The following ADAM32 variants were observed in gnomAD, a reference collection of about 807,000 sequenced individuals.
ADAM32 encodes disintegrin and metalloproteinase domain-containing protein 32.
Under a neutral mutation model 114.9 loss-of-function variants are expected in ADAM32, and 89 were observed. The ratio of observed to expected loss-of-function variants is 0.77; its 90% CI spans 0.65 to 0.92. The LOEUF (loss-of-function observed/expected upper bound fraction) is 0.92. Ranked by LOEUF, ADAM32 falls within the 40% of genes least tolerant of loss-of-function variation. The pLI is 0.00. For synonymous variants in ADAM32, 285 were observed against 307.5 expected (o/e 0.93, Z 0.77); for missense variants, 870 against 932.8 (o/e 0.93, Z 0.88).
chr8:39,147,295 C>T, intron 4 of ADAM32, 90 bp downstream of exon 4: 1 of 525,508 alleles, frequency 1.9e-6, no homozygotes, highest in Middle Eastern at 7.1e-4. Context: ...TCAAGATTCA[C>T]AGGGGATATA....
intron 3 of ADAM32, among the ~76,000 whole-genome samples, chr8:39,145,484 G>A (rs1803452127): frequency 1.3e-5 from 2 of 152,078 alleles, no homozygotes; most frequent in South Asian, 2.1e-4. Context: ...AGGTGGGGGT[G>A]AATGTTAAAA....
intron 7 of ADAM32, among the ~76,000 whole-genome samples, 173 bp from the exon 8 acceptor site, chr8:39,164,591 C>G (rs1313227963): frequency 2.0e-5 from 3 of 152,124 alleles, no homozygotes; most frequent in Non-Finnish European, 2.9e-5. Flanking sequence ...TTTTACATTC[C>G]CATCAGCAAT....
chr8:39,277,064 A>ATG (rs1813120974), intron 22 of ADAM32, among the ~76,000 whole-genome samples: 1 of 146,788 alleles, frequency 6.8e-6, no homozygotes, highest in Admixed American at 6.8e-5. Context: ...CTATATATAT[A>ATG]TGTGTTCACA....
At chr8:39,134,295 G>T (rs1174756160) in intron 2 of ADAM32, among the ~76,000 whole-genome samples, 3 of 152,020 alleles carry the variant, frequency 2.0e-5, no homozygotes, top group African/African-American at 7.2e-5. Context: ...CAGTCTGAAA[G>T]AATTCAGTCA....
At chr8:39,153,241 A>G (rs1803949520) in intron 6 of ADAM32, among the ~76,000 whole-genome samples, 1 of 152,246 alleles carries the variant, frequency 6.6e-6, no homozygotes, top group African/African-American at 2.4e-5. Flanking sequence ...TATAATTTCA[A>G]ATAATGTTTG....
chr8:39,215,139 A>C (rs1330796951), intron 12 of ADAM32, among the ~76,000 whole-genome samples: 1 of 152,084 alleles, frequency 6.6e-6, no homozygotes, highest in South Asian at 2.1e-4. Flanking sequence ...CTTTTTGCTC[A>C]GGATAGCTTT....
At chr8:39,238,431 G>A (rs1283745985) in intron 16 of ADAM32, among the ~76,000 whole-genome samples, 1 of 152,214 alleles carries the variant, frequency 6.6e-6, no homozygotes, top group Non-Finnish European at 1.5e-5. Flanking sequence ...CTGAACAGCA[G>A]CACTTGATTC....
At chr8:39,279,882 A>G (rs1025231726) in intron 22 of ADAM32, among the ~76,000 whole-genome samples, 1 of 152,198 alleles carries the variant, frequency 6.6e-6, no homozygotes, top group Non-Finnish European at 1.5e-5. Flanking sequence ...TTGTAGAGGC[A>G]TGCATTGGGA....
chr8:39,147,602 C>A (rs767460677), intron 4 of ADAM32, among the ~76,000 whole-genome samples: 1 of 151,614 alleles, frequency 6.6e-6, no homozygotes, highest in Non-Finnish European at 1.5e-5. Context: ...TCCTACTGAC[C>A]CTGCCCTTCA....
intron 10 of ADAM32, among the ~76,000 whole-genome samples, chr8:39,176,330 T>C (rs1373577602): frequency 6.6e-6 from 1 of 152,232 alleles, no homozygotes; most frequent in Admixed American, 6.5e-5. Context: ...TTTAATCCTA[T>C]GAATTTCTCT....
intron 10 of ADAM32, among the ~76,000 whole-genome samples, chr8:39,177,447 T>G (rs1159389136): frequency 6.6e-6 from 1 of 152,200 alleles, no homozygotes; most frequent in Non-Finnish European, 1.5e-5. Context: ...GACTCTTTAT[T>G]CATCTTGTCA....
intron 21 of ADAM32, 61 bp downstream of exon 21, chr8:39,274,411 T>C: frequency 2.0e-6 from 3 of 1,531,098 alleles, no homozygotes; most frequent in South Asian, 2.3e-5. Flanking sequence ...TATTGATAAT[T>C]CACAATTTAT....
Position 39,234,013 on chromosome 8 carries a change from C to T in ADAM32, c.1749C>T (p.Asp583=), listed in dbSNP as rs1422995200. ...GAGATTCTGTATGCATAACTGTAGA[C>T]TACAAATTGCCTCGAACAGTTCCAG... is the stretch of plus-strand genomic sequence containing the variant. ...FVRDSVCITV[D]YKLPRTVPDP... is the part of the protein sequence containing the mutation. The change falls in exon 16 of 25, where the codon GAC becomes GAT. Residue 583 remains aspartate, a synonymous_variant. Coordinates refer to ENST00000379907, the MANE Select transcript of ADAM32 (RefSeq NM_145004.7). 6.5e-7 allele frequency: 1 copy of T among 1,550,300 alleles called. No homozygotes were observed. The highest frequency in any genetic ancestry group is 8.7e-7 in the Non-Finnish European group (1 of 1,145,386).
intron 16 of ADAM32, among the ~76,000 whole-genome samples, chr8:39,237,493 G>A (rs898289528): frequency 1.3e-5 from 2 of 152,136 alleles, no homozygotes; most frequent in Non-Finnish European, 2.9e-5. Context: ...TCTCAGCCCT[G>A]TGCACCAGAG....
At chr8:39,249,028 G>A (rs901119867) in intron 17 of ADAM32, among the ~76,000 whole-genome samples, 2 of 150,902 alleles carry the variant, frequency 1.3e-5, no homozygotes, top group Admixed American at 6.6e-5. Flanking sequence ...TCAGCCTCCC[G>A]AGTAGGTGGG....
chr8:39,246,761 TGGGTTTTGACAA>T (rs1347779090), intron 17 of ADAM32, among the ~76,000 whole-genome samples: 1 of 152,182 alleles, frequency 6.6e-6, no homozygotes, highest in Non-Finnish European at 1.5e-5. Context: ...TCACATTCTA[TGGGTTTTGACAA>T]ATGTGTAATG....
chr8:39,157,852 T>G, intron 6 of ADAM32: 1 of 626,406 alleles, frequency 1.6e-6, no homozygotes, highest in Non-Finnish European at 2.8e-6. Context: ...TTGCCATCCT[T>G]GATGAAGTAG....
intron 1 of ADAM32, 50 bp downstream of exon 1, chr8:39,107,883 G>GCCCGC (rs1839992350): frequency 6.8e-7 from 1 of 1,480,228 alleles, no homozygotes; most frequent in Non-Finnish European, 9.0e-7. Flanking sequence ...TCACACTGCG[G>GCCCGC]CCCGACTCCC....
intron 6 of ADAM32, among the ~76,000 whole-genome samples, chr8:39,154,794 A>T (rs1804039193): frequency 6.6e-6 from 1 of 151,678 alleles, no homozygotes; most frequent in Admixed American, 6.6e-5. Flanking sequence ...ATGACCAGGG[A>T]TGATGAGCTT....
Sources: allele counts gnomAD v4.1 joint callset (sites outside exome capture counted in the v4.1 genomes callset), GRCh38; gene constraint gnomAD v4.1.1; transcripts MANE v1.5; gene names NCBI Gene and HGNC (gene_info 2026-07-23, HGNC 2026-07-21).